Variants in LUZP2 observed in about 807,000 individuals in gnomAD.
LUZP2 encodes leucine zipper protein 2.
Under a neutral mutation model 51.6 loss-of-function variants are expected in LUZP2, and 52 were observed. The ratio of observed to expected loss-of-function variants is 1.01; its 90% CI spans 0.81 to 1.27. The LOEUF is 1.27. Ranked by LOEUF, LUZP2 falls within the 50% of genes most tolerant of loss-of-function variation. The probability of loss-of-function intolerance (pLI) is 0.00; values close to 1 mark genes in which losing one functional copy is unlikely to be tolerated. For missense variants in LUZP2, 436 were observed against 395.4 expected (o/e 1.10, Z -0.87); for synonymous variants, 154 against 137.3 (o/e 1.12, Z -0.85).
chr11:24,781,617 T>C (rs1849094130), intron 5 of LUZP2, among the ~76,000 whole-genome samples: 1 of 151,970 alleles, frequency 6.6e-6, no homozygotes, highest in African/African-American at 2.4e-5. Flanking sequence ...TTTTCCATTT[T>C]CTTTAAAAAA....
intron 1 of LUZP2, among the ~76,000 whole-genome samples, chr11:24,610,337 C>T (rs1854078308): frequency 1.3e-5 from 2 of 152,158 alleles, no homozygotes; most frequent in African/African-American, 2.4e-5. Flanking sequence ...TGCAAAGAAA[C>T]AGAAAAGGGT....
intron 7 of LUZP2, among the ~76,000 whole-genome samples, chr11:24,939,945 A>G (rs1854695756): frequency 6.6e-6 from 1 of 151,976 alleles, no homozygotes; most frequent in African/African-American, 2.4e-5. Context: ...CTTGCAGCCA[A>G]TGAGGGCTGG....
chr11:24,861,388 A>G (rs1851737154), intron 5 of LUZP2, among the ~76,000 whole-genome samples: 1 of 152,192 alleles, frequency 6.6e-6, no homozygotes, highest in Non-Finnish European at 1.5e-5. Flanking sequence ...AGGATGTAAG[A>G]ATGTAAGGAA....
At chr11:24,620,978 C>A (rs1854475536) in intron 1 of LUZP2, among the ~76,000 whole-genome samples, 1 of 152,166 alleles carries the variant, frequency 6.6e-6, no homozygotes, top group Non-Finnish European at 1.5e-5. Flanking sequence ...AACTTTACCC[C>A]TTCCCTGGAG....
intron 5 of LUZP2, among the ~76,000 whole-genome samples, chr11:24,818,888 A>G (rs1356153758): frequency 1.3e-5 from 2 of 152,076 alleles, no homozygotes; most frequent in African/African-American, 4.8e-5. Context: ...AAGTTTGCAC[A>G]GACCAAAAGC....
intron 7 of LUZP2, among the ~76,000 whole-genome samples, chr11:24,951,637 T>C (rs959287184): frequency 1.3e-5 from 2 of 150,540 alleles, no homozygotes; most frequent in Non-Finnish European, 3.0e-5. Context: ...AAGTAAAATA[T>C]ATTTAAACAT....
intron 1 of LUZP2, among the ~76,000 whole-genome samples, chr11:24,602,926 TA>T (rs1460842508): frequency 6.6e-6 from 1 of 151,828 alleles, no homozygotes; most frequent in East Asian, 1.9e-4. Flanking sequence ...TATGGCAGAA[TA>T]ACTATCTAGG....
At chr11:24,543,560 A>G (rs1469103701) in intron 1 of LUZP2, among the ~76,000 whole-genome samples, 1 of 151,948 alleles carries the variant, frequency 6.6e-6, no homozygotes, top group Non-Finnish European at 1.5e-5. Flanking sequence ...AGACAAATGG[A>G]ATCAATGCCC....
chr11:24,683,430 G>A (rs1856807216), intron 1 of LUZP2, among the ~76,000 whole-genome samples: 1 of 152,066 alleles, frequency 6.6e-6, no homozygotes, highest in African/African-American at 2.4e-5. Flanking sequence ...ACAATTTACT[G>A]AAAACATGTT....
intron 7 of LUZP2, among the ~76,000 whole-genome samples, chr11:24,964,504 C>T (rs183934454): frequency 9.9e-5 from 15 of 152,232 alleles, no homozygotes; most frequent in African/African-American, 3.4e-4. Context: ...TACAGGACCA[C>T]ATCTCATCCA....
intron 1 of LUZP2, among the ~76,000 whole-genome samples, chr11:24,629,549 C>CATATATATATATATATAT (rs3078021): frequency 5.0e-5 from 7 of 141,114 alleles, no homozygotes; most frequent in African/African-American, 1.8e-4. Flanking sequence ...TATTCCATTG[C>CATATATATATATATATAT]ATATATATAT....
Position 25,078,846 on chromosome 11 carries a change from G to T in LUZP2, c.*188G>T. On this transcript the variant is annotated 3_prime_UTR_variant, in exon 12 of 12. Coordinates refer to ENST00000336930, the MANE Select transcript of LUZP2 (RefSeq NM_001009909.4). ...ATGATCCTTAAGCAATAACCTCATT[G>T]AATTGAATACCCACAGTCAGAAATA... is the stretch of plus-strand genomic sequence containing the variant. The T allele has an allele frequency of 1.9e-6, 1 of 520,030 alleles. No homozygotes were observed. Among genetic ancestry groups the T allele is most frequent in the Non-Finnish European group, 3.3e-6 (1 of 300,148 alleles). 32.2% of individuals were successfully genotyped at this position (520,030 alleles called of 1,614,324 possible). A position where few individuals can be genotyped will look rare whatever the true frequency, so the allele number is the denominator to read the frequency against.
At chr11:24,997,389 C>G (rs1388597552) in intron 9 of LUZP2, among the ~76,000 whole-genome samples, 2 of 152,038 alleles carry the variant, frequency 1.3e-5, no homozygotes, top group Non-Finnish European at 2.9e-5. Flanking sequence ...GCATTTTTTC[C>G]TGTGTTTTTT....
chr11:24,842,477 C>G (rs533573424), intron 5 of LUZP2, among the ~76,000 whole-genome samples: 16 of 151,942 alleles, frequency 1.1e-4, no homozygotes, highest in African/African-American at 3.6e-4. Context: ...GCAATGTACA[C>G]TATATTAATT....
intron 5 of LUZP2, among the ~76,000 whole-genome samples, chr11:24,847,591 G>A (rs1262366009): frequency 6.6e-6 from 1 of 152,090 alleles, no homozygotes; most frequent in Non-Finnish European, 1.5e-5. Context: ...ATATTGGTAT[G>A]TGCCTACCTT....
At chr11:24,806,369 C>A (rs1369160984) in intron 5 of LUZP2, among the ~76,000 whole-genome samples, 1 of 152,124 alleles carries the variant, frequency 6.6e-6, no homozygotes, top group East Asian at 1.9e-4. Context: ...TACTAATCAG[C>A]CTCCACTATT....
At chr11:24,800,470 A>C (rs10834486) in intron 5 of LUZP2, among the ~76,000 whole-genome samples, 14,559 of 151,400 alleles carry the variant, frequency 0.096, 972 homozygotes, top group East Asian at 0.42. Flanking sequence ...TCCCTATATA[A>C]GCATGTTCAG....
chr11:24,903,709 GAC>G (rs933665069), intron 5 of LUZP2, among the ~76,000 whole-genome samples: 1 of 152,146 alleles, frequency 6.6e-6, no homozygotes, highest in African/African-American at 2.4e-5. Context: ...CCCATCTAAA[GAC>G]AGTCTATGTA....
chr11:24,688,731 T>C (rs1448362915), intron 1 of LUZP2, among the ~76,000 whole-genome samples: 1 of 152,126 alleles, frequency 6.6e-6, no homozygotes, highest in African/African-American at 2.4e-5. Flanking sequence ...TTTTGTTTAT[T>C]TATTGAGAAA....
Sources: allele counts gnomAD v4.1 joint callset (sites outside exome capture counted in the v4.1 genomes callset), GRCh38; gene constraint gnomAD v4.1.1; transcripts MANE v1.5; gene names NCBI Gene and HGNC (gene_info 2026-07-23, HGNC 2026-07-21).